The following TRPC4AP variants were observed in gnomAD, a reference collection of about 807,000 sequenced individuals.
TRPC4AP encodes the protein transient receptor potential cation channel subfamily C member 4 associated protein, also known as short transient receptor potential channel 4-associated protein.
A neutral mutation model predicts 99.0 loss-of-function variants in TRPC4AP; 45 were observed. That is an observed-to-expected ratio of 0.45 (90% CI 0.36 to 0.58). The LOEUF (loss-of-function observed/expected upper bound fraction) is 0.58, where lower values mean the gene tolerates loss of function less well. Among genes scored for constraint, TRPC4AP ranks in the 20% least tolerant of loss-of-function variants. TRPC4AP has a pLI of 0.00. For missense variants in TRPC4AP, 879 were observed against 985.3 expected (o/e 0.89, Z 1.44); for synonymous variants, 408 against 385.8 (o/e 1.06, Z -0.67).
At chr20:35,013,911 C>G (rs2082693029) in intron 10 of TRPC4AP, among the ~76,000 whole-genome samples, 1 of 152,208 alleles carries the variant, frequency 6.6e-6, no homozygotes, top group Admixed American at 6.5e-5. Context: ...AGGGGGCCCT[C>G]CCAAGAGCAG....
chr20:35,046,594 G>A (rs1247628373), intron 6 of TRPC4AP, among the ~76,000 whole-genome samples: 5 of 152,136 alleles, frequency 3.3e-5, no homozygotes, highest in Admixed American at 1.3e-4. Context: ...TGCCCAAAAC[G>A]AGTGCATGAT....
intron 3 of TRPC4AP, among the ~76,000 whole-genome samples, chr20:35,060,194 A>G (rs554589871): frequency 2.0e-5 from 3 of 152,336 alleles, no homozygotes; most frequent in South Asian, 4.1e-4. Context: ...TGATACCAAA[A>G]CCAAACAAAG....
In TRPC4AP at chr20:35,003,218, C is replaced by T. The variant is rs779153521; in HGVS notation, c.2322G>A (p.Gln774=). The change falls in exon 19 of 19, where the codon CAG becomes CAA. Residue 774 remains glutamine (Q), a synonymous_variant. Coordinates refer to ENST00000252015, the MANE Select transcript of TRPC4AP (RefSeq NM_015638.3). ...TVSILLNPDR[Q]SPSALVSYIE... is the part of the protein sequence containing the mutation. ...TGTAGCTAACGAGAGCAGAGGGTGA[C>T]TGCCGGTCCGGGTTCAACAGGATGG... 9 of 1,614,248 alleles carry T rather than the reference C, an allele frequency of 5.6e-6. No individual in the cohort carries two copies. Among genetic ancestry groups the T allele is most frequent in the South Asian group, 2.2e-5 (2 of 91,088 alleles).
At chr20:35,022,410 C>T (rs1436074227) in intron 8 of TRPC4AP, among the ~76,000 whole-genome samples, 3 of 152,234 alleles carry the variant, frequency 2.0e-5, no homozygotes, top group Admixed American at 2.0e-4. Flanking sequence ...CCCGCCTCAG[C>T]CTCCCAAAGT....
At chr20:35,028,709 G>C (rs1000547844) in intron 8 of TRPC4AP, among the ~76,000 whole-genome samples, 2 of 152,072 alleles carry the variant, frequency 1.3e-5, no homozygotes. Context: ...TGTTATTTAA[G>C]TCTTCTGTTT....
chr20:35,061,777 TC>T (rs2084014896), intron 3 of TRPC4AP, among the ~76,000 whole-genome samples: 1 of 152,150 alleles, frequency 6.6e-6, no homozygotes, highest in South Asian at 2.1e-4. Context: ...CATAGGTAAA[TC>T]TTTGTGACCT....
At chr20:35,053,907 C>T (rs1481346352) in intron 5 of TRPC4AP, among the ~76,000 whole-genome samples, 1 of 152,140 alleles carries the variant, frequency 6.6e-6, no homozygotes, top group Non-Finnish European at 1.5e-5. Context: ...AATTGCACAG[C>T]ACTATTATAG....
intron 2 of TRPC4AP, among the ~76,000 whole-genome samples, chr20:35,077,358 A>C (rs975363497): frequency 1.3e-5 from 2 of 152,290 alleles, no homozygotes; most frequent in Middle Eastern, 3.4e-3. Context: ...TGGGTACCAT[A>C]GACTGGAGCT....
At chr20:35,080,916 A>C (rs920265657) in intron 1 of TRPC4AP, among the ~76,000 whole-genome samples, 6 of 152,176 alleles carry the variant, frequency 3.9e-5, no homozygotes, top group African/African-American at 1.2e-4. Flanking sequence ...TAAAAACTAA[A>C]TAAATAAATG....
intron 9 of TRPC4AP, among the ~76,000 whole-genome samples, chr20:35,018,620 A>G (rs1173117813): frequency 4.6e-5 from 7 of 151,274 alleles, no homozygotes; most frequent in Non-Finnish European, 1.0e-4. Flanking sequence ...AAAAAAAAAA[A>G]AAAAAAGAAA....
At chr20:35,045,954 C>G (rs1024135271) in intron 6 of TRPC4AP, among the ~76,000 whole-genome samples, 2 of 152,180 alleles carry the variant, frequency 1.3e-5, no homozygotes, top group Non-Finnish European at 2.9e-5. Flanking sequence ...CATGTATGAG[C>G]CACTGTGCCT....
intron 13 of TRPC4AP, among the ~76,000 whole-genome samples, chr20:35,008,431 C>T: frequency 6.6e-6 from 1 of 152,176 alleles, no homozygotes; most frequent in Non-Finnish European, 1.5e-5. Context: ...CATAAGGCAC[C>T]AGCACAGAAC....
rs911518985 is a variant in TRPC4AP, at chr20:35,092,626, G to A, written c.156C>T (p.Val52=). Residue 52 remains valine (V), a synonymous_variant, in exon 1 of 19, where the codon GTC becomes GTT. Coordinates refer to ENST00000252015, the MANE Select transcript of TRPC4AP (RefSeq NM_015638.3). ...RQGQLTGRGL[V]RAVQFTETFL... The stretch of plus-strand genomic sequence containing the variant: ...TCCAGCCTCGTACCTGCACCGCCCG[G>A]ACCAGGCCCCGGCCGGTCAGCTGGC... 121 of 1,512,880 alleles carry A rather than the reference G, an allele frequency of 8.0e-5. No individual in the cohort carries two copies. Among genetic ancestry groups the A allele is most frequent in the Non-Finnish European group, 1.0e-4 (118 of 1,138,586 alleles). 93.7% of individuals were successfully genotyped at this position (1,512,880 alleles called of 1,614,324 possible).
chr20:35,016,167 T>A, intron 9 of TRPC4AP, 28 bp from the exon 10 acceptor site: 1 of 1,613,884 alleles, frequency 6.2e-7, no homozygotes, highest in Non-Finnish European at 8.5e-7. Context: ...GAAAAAGTAT[T>A]AAGACAAATG....
chr20:35,050,637 C>A (rs1464384143), intron 5 of TRPC4AP, among the ~76,000 whole-genome samples: 1 of 151,368 alleles, frequency 6.6e-6, no homozygotes, highest in African/African-American at 2.4e-5. Context: ...CATTTGAGCC[C>A]AGAAGGTGGA....
intron 9 of TRPC4AP, among the ~76,000 whole-genome samples, chr20:35,018,604 G>GAAAAAAAAAAAAAAAA (rs11479211): frequency 2.4e-4 from 21 of 88,920 alleles, no homozygotes; most frequent in South Asian, 4.1e-4. Context: ...CTCAAAAAAA[G>GAAAAAAAAAAAAAAAA]AAAAAAAAAA....
At chr20:35,083,824 A>C (rs1431899148) in intron 1 of TRPC4AP, among the ~76,000 whole-genome samples, 1 of 151,990 alleles carries the variant, frequency 6.6e-6, no homozygotes, top group Non-Finnish European at 1.5e-5. Flanking sequence ...AAACATGAGA[A>C]AAGAAAGAAA....
At chr20:35,046,256 T>C (rs1375226035) in intron 6 of TRPC4AP, among the ~76,000 whole-genome samples, 1 of 152,226 alleles carries the variant, frequency 6.6e-6, no homozygotes, top group Non-Finnish European at 1.5e-5. Context: ...TTATTAAGAA[T>C]GATAATTTTA....
At chr20:35,047,780 C>A (rs1006148756) in intron 6 of TRPC4AP, among the ~76,000 whole-genome samples, 1 of 152,154 alleles carries the variant, frequency 6.6e-6, no homozygotes, top group Non-Finnish European at 1.5e-5. Flanking sequence ...GACTTTACAA[C>A]CTTCTGGGTT....
Sources: gnomAD v4.1 joint callset for allele counts (sites outside exome capture counted in the v4.1 genomes callset) on GRCh38, gnomAD v4.1.1 for gene constraint, MANE v1.5 for transcripts, NCBI Gene and HGNC (gene_info 2026-07-23, HGNC 2026-07-21) for gene names.